SYTL4: variants seen among roughly 807,000 people sequenced by gnomAD.
SYTL4 encodes synaptotagmin like 4, also known as synaptotagmin-like protein 4.
SYTL4 carries 16 observed loss-of-function variants against 52.7 expected under a neutral mutation model. The observed-to-expected ratio is 0.30, with a 90% CI of 0.21 to 0.46. The LOEUF (loss-of-function observed/expected upper bound fraction) is 0.46. Ranked by LOEUF, SYTL4 falls within the 20% of genes least tolerant of loss-of-function variation. The pLI, the probability that SYTL4 is intolerant of heterozygous loss-of-function variation, is 1.00. For missense variants in SYTL4, 423 were observed against 519.9 expected (o/e 0.81, Z 1.81); for synonymous variants, 160 against 186.6 (o/e 0.86, Z 1.16).
At chrX:100,682,923 A>G (rs1482636080) in intron 16 of SYTL4, among the ~76,000 whole-genome samples, 1 of 111,017 alleles carries the variant, frequency 9.0e-6, no homozygotes, top group Non-Finnish European at 1.9e-5. Context: ...AGTATCTGGC[A>G]CATAGTAGGT....
intron 16 of SYTL4, chrX:100,685,120 A>G (rs949717858): frequency 8.9e-6 from 1 of 112,226 alleles, no homozygotes; most frequent in Non-Finnish European, 1.9e-5. Flanking sequence ...ACATAAGTCC[A>G]TTTTTGCTTA....
rs2083251718 is a variant in SYTL4 at position 100,674,817 on chromosome X, C to A, written c.*1211G>T. 9.0e-6 allele frequency: 1 copy of A among 111,713 alleles called. No individual in the cohort carries two copies. The allele number at this position is 111,713 out of a possible 1,213,427, so 9.2% of individuals were successfully genotyped here. A position where few individuals can be genotyped will look rare whatever the true frequency, so the allele number is the denominator to read the frequency against. On this transcript the variant is annotated 3_prime_UTR_variant, in exon 20 of 20. Transcript: ENST00000372989. ...GAAAGGTCAGTTTGATCAATGAGTACCAGAAGATGAAACTTAGCTCACTAG... is the reference window on the plus strand; with the variant it reads ...GAAAGGTCAGTTTGATCAATGAGTAACAGAAGATGAAACTTAGCTCACTAG...
At chrX:100,707,851 G>C (rs944369348) in intron 2 of SYTL4, among the ~76,000 whole-genome samples, 5 of 111,724 alleles carry the variant, frequency 4.5e-5, no homozygotes, top group African/African-American at 9.8e-5. Context: ...AACTTGTTCT[G>C]TGTTAGTCCT....
At chrX:100,723,906 C>T (rs868352678) in intron 2 of SYTL4, among the ~76,000 whole-genome samples, 1 of 104,455 alleles carries the variant, frequency 9.6e-6, no homozygotes, top group Non-Finnish European at 2.0e-5. Flanking sequence ...GCCACCCTGT[C>T]CGGGAGGGAG....
intron 16 of SYTL4, among the ~76,000 whole-genome samples, chrX:100,683,140 T>A (rs1228511804): frequency 2.1e-5 from 2 of 96,833 alleles, no homozygotes; most frequent in Non-Finnish European, 4.1e-5. Context: ...TGTATTTTTT[T>A]TTTTTTTTTT....
At chrX:100,681,446 G>A (rs770328595) in intron 16 of SYTL4, 111 bp from the exon 17 acceptor site, 1 of 529,708 alleles carries the variant, frequency 1.9e-6, no homozygotes, top group Non-Finnish European at 3.1e-6. Context: ...CAGGGCAAAA[G>A]AGGATCCTTC....
Position 100,690,145 on chromosome X carries a change from T to C in SYTL4, c.738A>G (p.Gln246=). 8.3e-7 allele frequency: 1 copy of C among 1,209,755 alleles called. No individual in the cohort carries two copies. The highest frequency in any genetic ancestry group is 1.8e-5 in the South Asian group (1 of 56,802). ...QVEKETQPGG[Q]NVVFVDEGEM... ...CACCCTCATCCACAAATACCACATT[T>C]TGACCTCCAGGCTGAGTTTCCTAGG... Residue 246 remains glutamine, a synonymous_variant, in exon 11 of 20, where the codon CAA becomes CAG. Transcript: ENST00000372989.
rs143764687 is a variant in SYTL4 at position 100,728,803 on chromosome X, C to T, written c.-240+2615G>A. Among the ~76,000 whole-genome samples the T allele has an allele frequency of 5.8e-3, 645 of 111,370 alleles. 5 individuals are homozygous for T. The highest frequency in any genetic ancestry group is 0.02 in the African/African-American group (621 of 30,642). Reference sequence around the variant, plus strand: ...CTGTAATCCCAGCACTTTGGGAGGCCGAGGAGGGCAGATCACGAGGTCAGA... The same window carrying T: ...CTGTAATCCCAGCACTTTGGGAGGCTGAGGAGGGCAGATCACGAGGTCAGA... On this transcript the variant is annotated intron_variant, in intron 2 of 19. Transcript: ENST00000372989.
In SYTL4 at chrX:100,701,468, C is replaced by T. The variant is rs761721670; in HGVS notation, c.316G>A (p.Ala106Thr). 23 of 1,209,477 alleles carry T rather than the reference C, an allele frequency of 1.9e-5. No homozygotes were observed. The highest frequency in any genetic ancestry group is 5.3e-5 in the South Asian group (3 of 56,820). The change falls in exon 6 of 20, where the codon GCC (alanine) becomes ACC (threonine). Residue 106 changes from alanine (A) to threonine (T), a missense_variant. By Grantham distance (58) the Ala-to-Thr change is moderately conservative. Transcript: ENST00000372989. ...ATAGGTGACACTCACATTTCCTTGGCGCACACCTTGCACCTCCAGGTACCA... is the reference window on the plus strand; with the variant it reads ...ATAGGTGACACTCACATTTCCTTGGTGCACACCTTGCACCTCCAGGTACCA... Reference protein sequence around the residue: ...SNGTWRCKVCAKEIELKKATG... With the variant: ...SNGTWRCKVCTKEIELKKATG...
intron 2 of SYTL4, among the ~76,000 whole-genome samples, chrX:100,713,056 T>G (rs1438333356): frequency 2.7e-5 from 3 of 112,395 alleles, no homozygotes; most frequent in Non-Finnish European, 5.6e-5. Context: ...GGTATAGCCA[T>G]ATTGGAAAAC....
chrX:100,731,235 G>A (rs2084637271), intron 2 of SYTL4, among the ~76,000 whole-genome samples, 183 bp downstream of exon 2: 1 of 111,523 alleles, frequency 9.0e-6, no homozygotes, highest in African/African-American at 3.3e-5. Context: ...CAACACAGGA[G>A]ACAGAAGCAT....
rs139676131 is a variant in SYTL4 at position 100,686,346 on chromosome X, T to C, written c.1288-195A>G. On this transcript the variant is annotated intron_variant, in intron 15 of 19. Transcript: ENST00000372989. ...TTTTATAAAAACCTACCATATTCCA[T>C]AGGAGGACCTGGAAAATTCATTTTT... 1.4e-3 allele frequency: 564 copies of C among 405,562 alleles called. 3 individuals carry two copies. Among genetic ancestry groups the C allele is most frequent in the African/African-American group, 0.013 (506 of 39,920 alleles). 33.4% of individuals were successfully genotyped at this position (405,562 alleles called of 1,213,427 possible). A position where few individuals can be genotyped will look rare whatever the true frequency, so the allele number is the denominator to read the frequency against.
At chrX:100,701,164 C>T (rs1336746505) in intron 7 of SYTL4, 56 bp downstream of exon 7, 3 of 1,008,765 alleles carry the variant, frequency 3.0e-6, no homozygotes, top group Non-Finnish European at 4.2e-6. Context: ...AAGATGCTAC[C>T]AGTCAGAATA....
intron 2 of SYTL4, 95 bp from the exon 3 acceptor site, chrX:100,704,981 T>C (rs185468437): frequency 3.6e-5 from 4 of 112,421 alleles, no homozygotes; most frequent in Admixed American, 1.9e-4. Context: ...CTGGTCTTTA[T>C]TGAACTATAA....
At chrX:100,701,435 A>C (rs1319308285) in intron 6 of SYTL4, 23 bp downstream of exon 6, 1 of 1,200,159 alleles carries the variant, frequency 8.3e-7, no homozygotes, top group Admixed American at 2.2e-5. Flanking sequence ...CCCCCTCTCT[A>C]CTCAGCCATA....
chrX:100,699,934 G>A (rs962447308), intron 8 of SYTL4, among the ~76,000 whole-genome samples: 11 of 111,152 alleles, frequency 9.9e-5, no homozygotes, highest in African/African-American at 3.6e-4. Context: ...GCTATAACAT[G>A]GATGAACCTT....
At chrX:100,688,868 T>C (rs2083529243) in intron 12 of SYTL4, among the ~76,000 whole-genome samples, 1 of 110,162 alleles carries the variant, frequency 9.1e-6, no homozygotes, top group Non-Finnish European at 1.9e-5. Context: ...CCTGGCCTCA[T>C]ATCCTTCTTT....
chrX:100,682,722 A>T (rs1269231992), intron 16 of SYTL4, among the ~76,000 whole-genome samples: 1 of 111,337 alleles, frequency 9.0e-6, no homozygotes, highest in Non-Finnish European at 1.9e-5. Flanking sequence ...CCAAAAAAAG[A>T]AAAAAGGAGG....
At chrX:100,705,250 A>G (rs1432703864) in intron 2 of SYTL4, among the ~76,000 whole-genome samples, 1 of 111,914 alleles carries the variant, frequency 8.9e-6, no homozygotes, top group African/African-American at 3.3e-5. Flanking sequence ...CCTAACATAT[A>G]TTAACTAATT....
Sources: gnomAD v4.1 joint callset for allele counts (sites outside exome capture counted in the v4.1 genomes callset) on GRCh38, gnomAD v4.1.1 for gene constraint, MANE v1.5 for transcripts, NCBI Gene and HGNC (gene_info 2026-07-23, HGNC 2026-07-21) for gene names.